The following BTNL8 variants were observed in gnomAD, a reference collection of about 807,000 sequenced individuals.
BTNL8 encodes the protein butyrophilin like 8.
Under a neutral mutation model 36.1 loss-of-function variants are expected in BTNL8, and 22 were observed. The observed-to-expected ratio is 0.61, with a 90% CI of 0.44 to 0.87. BTNL8 has a LOEUF of 0.87. BTNL8 is among the 40% of genes least tolerant of loss of function. The probability of loss-of-function intolerance (pLI) is 0.00; values close to 1 mark genes in which losing one functional copy is unlikely to be tolerated. For synonymous variants in BTNL8, 203 were observed against 235.6 expected (o/e 0.86, Z 1.27); for missense variants, 526 against 616.9 (o/e 0.85, Z 1.56).
intron 3 of BTNL8, among the ~76,000 whole-genome samples, chr5:180,941,879 T>C (rs1359766966): frequency 1.5e-5 from 1 of 68,632 alleles, no homozygotes; most frequent in African/African-American, 8.7e-5. Flanking sequence ...CAATAAGAAC[T>C]GGAACAAGAC....
intron 1 of BTNL8, among the ~76,000 whole-genome samples, chr5:180,906,350 C>T (rs1561926711): frequency 8.2e-6 from 1 of 121,864 alleles, no homozygotes; most frequent in Admixed American, 7.9e-5. Flanking sequence ...GCAACCCCTG[C>T]CTTTTTTTGT....
At chr5:180,926,918 G>C (rs937434113) in intron 3 of BTNL8, among the ~76,000 whole-genome samples, 1 of 152,220 alleles carries the variant, frequency 6.6e-6, no homozygotes, top group Non-Finnish European at 1.5e-5. Context: ...AAACGTTCCT[G>C]CCTGCCTGCT....
intron 3 of BTNL8, among the ~76,000 whole-genome samples, chr5:180,928,169 G>A (rs1266744441): frequency 6.6e-6 from 1 of 152,172 alleles, no homozygotes; most frequent in Non-Finnish European, 1.5e-5. Context: ...AAGAGAGTGA[G>A]GGCTAATAGT....
In BTNL8 at chr5:180,899,178, T is replaced by C; in HGVS notation, c.-133T>C. ...ACTCTCAGAACAGCGCAGTTTGCCCTCCGCTCACGCAGAGCCTCTCCGTGG... is the reference window on the plus strand; with the variant it reads ...ACTCTCAGAACAGCGCAGTTTGCCCCCCGCTCACGCAGAGCCTCTCCGTGG... On this transcript the variant is annotated 5_prime_UTR_variant, in exon 1 of 8. Transcript: ENST00000340184. 9.8e-7 allele frequency: 1 copy of C among 1,015,544 alleles called. No homozygotes were observed. The highest frequency in any genetic ancestry group is 1.5e-6 in the Non-Finnish European group (1 of 659,610). The allele number at this position is 1,015,544 out of a possible 1,614,324, so 62.9% of individuals were successfully genotyped here. A position where few individuals can be genotyped will look rare whatever the true frequency, so the allele number is the denominator to read the frequency against.
intron 1 of BTNL8, among the ~76,000 whole-genome samples, chr5:180,900,141 TA>T (rs1164550324): frequency 6.6e-6 from 1 of 152,260 alleles, no homozygotes; most frequent in Non-Finnish European, 1.5e-5. Context: ...TATGTGTTAC[TA>T]ACAGGAGACG....
chr5:180,949,747 T>C, intron 7 of BTNL8, 157 bp from the exon 8 acceptor site: 1 of 927,328 alleles, frequency 1.1e-6, no homozygotes, highest in South Asian at 1.5e-5. Context: ...GCACTGGTGA[T>C]GAGAGGACCT....
Position 180,904,694 on chromosome 5 carries a change from C to T in BTNL8, c.50-3892C>T, listed in dbSNP as rs200713031. Among the ~76,000 whole-genome samples, 408 of 121,774 alleles carry T rather than the reference C, an allele frequency of 3.4e-3. 7 individuals are homozygous for T. In the East Asian group the frequency reaches 0.045, roughly 13 times the overall value. The allele number at this position is 121,774 out of a possible 152,430, so 79.9% of individuals were successfully genotyped here. Reference sequence around the variant, plus strand: ...AGATAGCTCTTATTATTTTGAAATACGTCCCATCAATACCTAATTTATTGA... The same window carrying T: ...AGATAGCTCTTATTATTTTGAAATATGTCCCATCAATACCTAATTTATTGA... On this transcript the variant is annotated intron_variant, in intron 1 of 7. Transcript: ENST00000340184.
intron 3 of BTNL8, among the ~76,000 whole-genome samples, chr5:180,916,872 A>C (rs1420471807): frequency 1.3e-5 from 2 of 152,230 alleles, no homozygotes; most frequent in East Asian, 3.8e-4. Flanking sequence ...TTATTTATGA[A>C]ATTTTTCATT....
At chr5:180,913,900 A>G (rs1757512592) in intron 3 of BTNL8, among the ~76,000 whole-genome samples, 1 of 152,226 alleles carries the variant, frequency 6.6e-6, no homozygotes, top group Admixed American at 6.5e-5. Flanking sequence ...TGTGACTTGA[A>G]TCAGTAAGAA....
intron 3 of BTNL8, chr5:180,945,955 C>A: frequency 5.3e-6 from 1 of 187,976 alleles, no homozygotes; most frequent in Non-Finnish European, 1.2e-5. Flanking sequence ...CAATGAAAAA[C>A]CATGATAGCT....
At chr5:180,948,976 T>G in intron 6 of BTNL8, 30 bp downstream of exon 6, 1 of 647,652 alleles carries the variant, frequency 1.5e-6, no homozygotes, top group East Asian at 3.0e-5. Flanking sequence ...TTCACACATT[T>G]ATGACTCCTT....
chr5:180,945,773 G>A, intron 3 of BTNL8: 1 of 508,828 alleles, frequency 2.0e-6, no homozygotes, highest in South Asian at 1.4e-5. Context: ...ACCAGCAGCT[G>A]TACTGGAGCC....
intron 3 of BTNL8, among the ~76,000 whole-genome samples, chr5:180,934,348 T>C (rs751777937): frequency 6.6e-6 from 1 of 152,240 alleles, no homozygotes; most frequent in Non-Finnish European, 1.5e-5. Flanking sequence ...TGGCATCCTT[T>C]GGGTGTTGCT....
intron 3 of BTNL8, among the ~76,000 whole-genome samples, chr5:180,940,753 G>C (rs371774725): frequency 6.6e-6 from 1 of 152,024 alleles, no homozygotes; most frequent in South Asian, 2.1e-4. Flanking sequence ...GAAATACAAA[G>C]GATCATTGGA....
chr5:180,902,828 T>A lies in BTNL8; in HGVS notation c.49+3469T>A, dbSNP rs1179874729. Reference sequence around the variant, plus strand: ...CTGAGAATGATGATTTCTAATTTCATCCATGTCCCTACAAAGGACATGAAC... The same window carrying A: ...CTGAGAATGATGATTTCTAATTTCAACCATGTCCCTACAAAGGACATGAAC... On this transcript the variant is annotated intron_variant, in intron 1 of 7. Transcript: ENST00000340184. Among the ~76,000 whole-genome samples, 4 of 139,882 alleles carry A rather than the reference T, an allele frequency of 2.9e-5. No homozygotes were observed. The East Asian group carries it at 8.1e-4, about 28-fold the overall frequency. 91.8% of individuals were successfully genotyped at this position (139,882 alleles called of 152,430 possible). A position where few individuals can be genotyped will look rare whatever the true frequency, so the allele number is the denominator to read the frequency against.
intron 1 of BTNL8, among the ~76,000 whole-genome samples, chr5:180,906,143 A>T (rs1401389125): frequency 6.9e-6 from 1 of 144,584 alleles, no homozygotes; most frequent in Non-Finnish European, 1.5e-5. Context: ...CCCATTATTA[A>T]TGTGTGGGAG....
chr5:180,921,277 A>T (rs1757849540), intron 3 of BTNL8, among the ~76,000 whole-genome samples: 1 of 152,130 alleles, frequency 6.6e-6, no homozygotes, highest in Admixed American at 6.5e-5. Context: ...TATGAAAACA[A>T]TCTATTTGCT....
Position 180,935,373 on chromosome 5 carries a change from C to T in BTNL8, c.674-12139C>T, listed in dbSNP as rs1465708200. Among the ~76,000 whole-genome samples the T allele has an allele frequency of 6.6e-6, 1 of 152,202 alleles. No individual in the cohort carries two copies. The highest frequency in any genetic ancestry group is 6.5e-5 in the Admixed American group (1 of 15,286). ...GGACCTGCAGACCTGTGCAGAGCTG[C>T]CCTCAGCCATCGTCCTCCCTCCTGT... is the stretch of plus-strand genomic sequence containing the variant. On this transcript the variant is annotated intron_variant, in intron 3 of 7. Coordinates refer to ENST00000340184, the MANE Select transcript of BTNL8 (RefSeq NM_001040462.3). The surrounding 1 kb of genome is among the most constrained non-coding windows in gnomAD (Gnocchi z 4.8).
At chr5:180,938,544 CTTT>C (rs527307483) in intron 3 of BTNL8, among the ~76,000 whole-genome samples, 8 of 137,246 alleles carry the variant, frequency 5.8e-5, no homozygotes, top group Admixed American at 1.4e-4. Flanking sequence ...TCCTTTCTTT[CTTT>C]TTTTTTTTTT....
Sources: allele counts gnomAD v4.1 joint callset (sites outside exome capture counted in the v4.1 genomes callset), GRCh38; gene constraint gnomAD v4.1.1; non-coding constraint Gnocchi (gnomAD v3.1); transcripts MANE v1.5; gene names NCBI Gene and HGNC (gene_info 2026-07-23, HGNC 2026-07-21).